Variants in SRRM4 observed in about 807,000 individuals in gnomAD.
The protein encoded by SRRM4 is serine/arginine repetitive matrix 4.
SRRM4 carries 33 observed loss-of-function variants against 68.9 expected under a neutral mutation model. That is an observed-to-expected ratio of 0.48 (90% CI 0.36 to 0.64). The LOEUF (loss-of-function observed/expected upper bound fraction) is 0.64, where lower values mean the gene tolerates loss of function less well. SRRM4 is among the 30% of genes least tolerant of loss of function. SRRM4 has a pLI of 0.00. For synonymous variants in SRRM4, 318 were observed against 318.8 expected (o/e 1.00, Z 0.03); for missense variants, 817 against 827.1 (o/e 0.99, Z 0.15).
chr12:119,120,139 C>A (rs1954209903), intron 4 of SRRM4, 111 bp from the exon 5 acceptor site: 1 of 619,240 alleles, frequency 1.6e-6, no homozygotes, highest in Admixed American at 2.7e-5. Context: ...TTTCTTCCTT[C>A]CTCCTTTCTC....
chr12:119,069,251 G>A (rs1363850002), intron 1 of SRRM4, among the ~76,000 whole-genome samples: 1 of 152,184 alleles, frequency 6.6e-6, no homozygotes, highest in African/African-American at 2.4e-5. Flanking sequence ...CGTGAGAACT[G>A]CCGGGAGACC....
At chr12:119,030,798 T>G (rs923481185) in intron 1 of SRRM4, among the ~76,000 whole-genome samples, 6 of 152,318 alleles carry the variant, frequency 3.9e-5, no homozygotes, top group Middle Eastern at 3.4e-3. Flanking sequence ...ACACATAAAA[T>G]TAGTGCTATT....
chr12:119,153,929 C>G (rs1440771211), intron 11 of SRRM4, among the ~76,000 whole-genome samples: 1 of 152,070 alleles, frequency 6.6e-6, no homozygotes, highest in Non-Finnish European at 1.5e-5. Context: ...TCAGAGCCCC[C>G]AGTTCTTACC....
At chr12:119,040,770 G>A (rs1953663221) in intron 1 of SRRM4, among the ~76,000 whole-genome samples, 1 of 151,958 alleles carries the variant, frequency 6.6e-6, no homozygotes, top group African/African-American at 2.4e-5. Context: ...TTGGAGGGAT[G>A]GAGTCTCACT....
At chr12:119,063,981 G>A (rs1208118446) in intron 1 of SRRM4, among the ~76,000 whole-genome samples, 1 of 152,098 alleles carries the variant, frequency 6.6e-6, no homozygotes, top group East Asian at 1.9e-4. Context: ...AACAACATAA[G>A]AAGAGCTCAT....
At chr12:119,079,037 G>A (rs1953932713) in intron 1 of SRRM4, among the ~76,000 whole-genome samples, 1 of 152,226 alleles carries the variant, frequency 6.6e-6, no homozygotes, top group Non-Finnish European at 1.5e-5. Context: ...AAAAGCACAG[G>A]AGAAGGGCTG....
At chr12:119,083,069 A>T (rs1391396854) in intron 1 of SRRM4, among the ~76,000 whole-genome samples, 2 of 152,124 alleles carry the variant, frequency 1.3e-5, no homozygotes, top group African/African-American at 2.4e-5. Context: ...TGAAAGCTCC[A>T]GGGCAGTTGG....
chr12:119,073,620 C>G (rs944080332), intron 1 of SRRM4, among the ~76,000 whole-genome samples: 1 of 151,564 alleles, frequency 6.6e-6, no homozygotes, highest in South Asian at 2.1e-4. Context: ...CCATGGCACC[C>G]GGCCTCTCTC....
At chr12:119,143,849 G>A (rs189498279) in intron 8 of SRRM4, among the ~76,000 whole-genome samples, 20 of 152,176 alleles carry the variant, frequency 1.3e-4, no homozygotes, top group African/African-American at 4.6e-4. Context: ...GCAGTCTTAA[G>A]GGGGTGCCTT....
At chr12:119,029,498 A>C (rs1396510576) in intron 1 of SRRM4, among the ~76,000 whole-genome samples, 1 of 152,232 alleles carries the variant, frequency 6.6e-6, no homozygotes, top group Non-Finnish European at 1.5e-5. Context: ...ACAACCACTG[A>C]GGCATTCAAC....
chr12:119,116,243 T>C (rs1175311080), intron 3 of SRRM4, among the ~76,000 whole-genome samples: 1 of 152,132 alleles, frequency 6.6e-6, no homozygotes, highest in African/African-American at 2.4e-5. Flanking sequence ...TGTGAGTTGG[T>C]AGTAGTCAAG....
intron 5 of SRRM4, 112 bp from the exon 6 acceptor site, chr12:119,121,958 T>C: frequency 1.4e-6 from 1 of 723,288 alleles, no homozygotes; most frequent in African/African-American, 1.7e-5. Context: ...CAATGATCAG[T>C]GTCCATTCCA....
At chr12:119,131,541 C>T (rs1954298411) in intron 8 of SRRM4, among the ~76,000 whole-genome samples, 1 of 152,224 alleles carries the variant, frequency 6.6e-6, no homozygotes, top group African/African-American at 2.4e-5. Context: ...AGCAGTGCTG[C>T]CCCAAGTCAA....
chr12:119,034,873 A>G (rs981864320), intron 1 of SRRM4, among the ~76,000 whole-genome samples: 3 of 152,188 alleles, frequency 2.0e-5, no homozygotes, highest in African/African-American at 4.8e-5. Context: ...TTCATATAAT[A>G]GACTTGGATT....
chr12:119,024,444 G>A (rs1015165669), intron 1 of SRRM4, among the ~76,000 whole-genome samples: 2 of 152,206 alleles, frequency 1.3e-5, no homozygotes, highest in African/African-American at 2.4e-5. Context: ...TGTGGGCTGG[G>A]TTTCAGCCCC....
At chr12:119,002,260 TC>T (rs1233934324) in intron 1 of SRRM4, among the ~76,000 whole-genome samples, 4 of 152,086 alleles carry the variant, frequency 2.6e-5, no homozygotes, top group Admixed American at 2.6e-4. Context: ...TTCTCTTTGA[TC>T]TTTGAGGAGT....
chr12:119,014,119 C>T (rs1863991376), intron 1 of SRRM4, among the ~76,000 whole-genome samples: 1 of 152,070 alleles, frequency 6.6e-6, no homozygotes, highest in African/African-American at 2.4e-5. Flanking sequence ...TGAGGCCACA[C>T]GTCTTTGCAT....
At chr12:119,061,465 A>G (rs113274421) in intron 1 of SRRM4, among the ~76,000 whole-genome samples, 2 of 152,192 alleles carry the variant, frequency 1.3e-5, no homozygotes, top group African/African-American at 4.8e-5. Context: ...CCATGAAAGC[A>G]CTACCTGGCT....
intron 2 of SRRM4, among the ~76,000 whole-genome samples, chr12:119,110,608 C>G (rs1162412068): frequency 6.6e-6 from 1 of 152,226 alleles, no homozygotes; most frequent in East Asian, 1.9e-4. Flanking sequence ...GCTCCGTGGG[C>G]ATGGGACCAT....
Sources: gnomAD v4.1 joint callset for allele counts (sites outside exome capture counted in the v4.1 genomes callset) on GRCh38, gnomAD v4.1.1 for gene constraint, MANE v1.5 for transcripts, NCBI Gene and HGNC (gene_info 2026-07-23, HGNC 2026-07-21) for gene names.